KCNN2: variants seen among roughly 807,000 people sequenced by gnomAD.
KCNN2 encodes the protein small conductance calcium-activated potassium channel protein 2.
Under a neutral mutation model 55.5 loss-of-function variants are expected in KCNN2, and 24 were observed. That is an observed-to-expected ratio of 0.43 (90% CI 0.31 to 0.61). The LOEUF is 0.61. KCNN2 is among the 20% of genes least tolerant of loss of function. The pLI is 0.08. For synonymous variants in KCNN2, 431 were observed against 336.1 expected (o/e 1.28, Z -3.09); for missense variants, 754 against 853.6 (o/e 0.88, Z 1.45).
At chr5:114,061,263 T>C (rs1750323496) in intron 1 of KCNN2, among the ~76,000 whole-genome samples, 1 of 152,176 alleles carries the variant, frequency 6.6e-6, no homozygotes, top group African/African-American at 2.4e-5. Flanking sequence ...TCACTCCTAG[T>C]ACCCCAACTC....
intron 2 of KCNN2, among the ~76,000 whole-genome samples, chr5:114,245,297 T>C (rs926506718): frequency 4.6e-5 from 7 of 152,256 alleles, no homozygotes; most frequent in Non-Finnish European, 8.8e-5. Flanking sequence ...CTGGTTAGAC[T>C]TGAAGTGGTC....
intron 5 of KCNN2, among the ~76,000 whole-genome samples, chr5:114,479,132 G>A (rs1332409263): frequency 1.3e-5 from 2 of 151,916 alleles, no homozygotes; most frequent in South Asian, 4.2e-4. Context: ...AGACCCATCA[G>A]TGTGCTGTCT....
chr5:114,329,200 C>T (rs940822354), intron 2 of KCNN2, among the ~76,000 whole-genome samples: 6 of 152,208 alleles, frequency 3.9e-5, no homozygotes, highest in African/African-American at 1.4e-4. Context: ...GCACAGCTCC[C>T]AGCCCCTTGC....
intron 2 of KCNN2, among the ~76,000 whole-genome samples, chr5:114,344,838 C>A (rs895519906): frequency 5.6e-4 from 85 of 152,258 alleles, no homozygotes; most frequent in Middle Eastern, 3.4e-3. Context: ...AAAATTACAG[C>A]CCATTTAATT....
At chr5:114,288,493 T>TAC (rs777077524) in intron 2 of KCNN2, among the ~76,000 whole-genome samples, 7 of 21,722 alleles carry the variant, frequency 3.2e-4, no homozygotes, top group East Asian at 8.6e-3. Context: ...ACTTTATATA[T>TAC]ATATATACAC....
chr5:114,370,717 C>T (rs1757737784), intron 2 of KCNN2, among the ~76,000 whole-genome samples: 1 of 151,960 alleles, frequency 6.6e-6, no homozygotes, highest in South Asian at 2.1e-4. Context: ...CATAGCATAG[C>T]ATAGGCCAAG....
At chr5:114,207,822 A>T (rs1475787315) in intron 1 of KCNN2, among the ~76,000 whole-genome samples, 3 of 152,248 alleles carry the variant, frequency 2.0e-5, no homozygotes, top group Non-Finnish European at 2.9e-5. Context: ...CCAGCCCTTT[A>T]CATGCCGAGA....
chr5:114,096,354 T>G (rs930390854), intron 1 of KCNN2, among the ~76,000 whole-genome samples: 11 of 152,194 alleles, frequency 7.2e-5, no homozygotes, highest in African/African-American at 2.7e-4. Flanking sequence ...ACACTAACTT[T>G]GACCATGCTA....
intron 6 of KCNN2, chr5:114,489,141 A>G (rs902179806): frequency 1.3e-5 from 2 of 152,134 alleles, no homozygotes; most frequent in East Asian, 3.9e-4. Context: ...AGCCATGTGC[A>G]GTGGGGATTT....
intron 1 of KCNN2, among the ~76,000 whole-genome samples, chr5:114,086,614 A>G (rs1751022148): frequency 6.6e-6 from 1 of 151,884 alleles, no homozygotes; most frequent in African/African-American, 2.4e-5. Flanking sequence ...GACGTAATCT[A>G]ATTCTTTTTT....
In KCNN2 at chr5:114,190,194, G is replaced by A. The variant is rs1029188757; in HGVS notation, c.-270-31286G>A. Among the ~76,000 whole-genome samples the A allele has an allele frequency of 3.3e-5, 5 of 151,890 alleles. No individual in the cohort carries two copies. The South Asian group carries it at 1.0e-3, about 32-fold the overall frequency. On this transcript the variant is annotated intron_variant, in intron 1 of 10. Coordinates refer to the KCNN2 transcript ENST00000512097. Reference sequence around the variant, plus strand: ...AAGTCAGTTAATCCTCACAAAACAAGCTGAAGATGTGCATACCTTGTTACC... The same window carrying A: ...AAGTCAGTTAATCCTCACAAAACAAACTGAAGATGTGCATACCTTGTTACC...
At chr5:114,260,828 A>T (rs992271353) in intron 2 of KCNN2, among the ~76,000 whole-genome samples, 1 of 152,180 alleles carries the variant, frequency 6.6e-6, no homozygotes, top group African/African-American at 2.4e-5. Context: ...CATATGTAAA[A>T]TGGGCAGTGC....
At chr5:114,127,876 C>T (rs939108047) in intron 1 of KCNN2, among the ~76,000 whole-genome samples, 31 of 152,252 alleles carry the variant, frequency 2.0e-4, no homozygotes, top group African/African-American at 7.5e-4. Flanking sequence ...GCAAAAATGC[C>T]TCCAATCTCT....
rs61595962 is a variant in KCNN2 at position 114,429,818 on chromosome 5, CTTTTTTTT to C, written c.1637+24978_1637+24985del. On this transcript the variant is annotated intron_variant, in intron 3 of 7. Transcript: ENST00000673685. ...AAGGTGTAAGGTCTGTATATAGATG[CTTTTTTTT>C]TTTTTTTTTTTTTTTAACATGTGGA... Among the ~76,000 whole-genome samples, 67 of 71,260 alleles carry C rather than the reference CTTTTTTTT, an allele frequency of 9.4e-4. 2 individuals are homozygous for C. The highest frequency in any genetic ancestry group is 3.4e-3 in the African/African-American group (61 of 18,076). 46.7% of individuals were successfully genotyped at this position (71,260 alleles called of 152,430 possible).
intron 2 of KCNN2, among the ~76,000 whole-genome samples, chr5:114,386,499 A>G (rs948747943): frequency 6.6e-6 from 1 of 152,230 alleles, no homozygotes; most frequent in Non-Finnish European, 1.5e-5. Context: ...ATATAGTAAA[A>G]TGGCTTTCTT....
At chr5:114,292,616 C>A (rs1364713222) in intron 2 of KCNN2, among the ~76,000 whole-genome samples, 1 of 152,128 alleles carries the variant, frequency 6.6e-6, no homozygotes. Context: ...AGTTTGAAGT[C>A]AGGTAGCGTG....
intron 2 of KCNN2, among the ~76,000 whole-genome samples, chr5:114,311,119 G>A (rs1477975200): frequency 6.6e-6 from 1 of 151,904 alleles, no homozygotes; most frequent in Admixed American, 6.6e-5. Context: ...CTTTGTTTAA[G>A]CTGACCTTGC....
intron 2 of KCNN2, among the ~76,000 whole-genome samples, chr5:114,334,260 ATGTGTGTGTGTG>A (rs56654295): frequency 0.2 from 27,644 of 138,186 alleles, 2,752 homozygotes; most frequent in Admixed American, 0.24. Flanking sequence ...CATATGCCTG[ATGTGTGTGTGTG>A]TGTGTGTGTG....
At chr5:114,241,782 A>G (rs1354296570) in intron 2 of KCNN2, among the ~76,000 whole-genome samples, 1,116 of 24,754 alleles carry the variant, frequency 0.045, 257 homozygotes, top group Middle Eastern at 0.12. Context: ...ATACATATAT[A>G]CGTATATATA....
Sources: gnomAD v4.1 joint callset for allele counts (sites outside exome capture counted in the v4.1 genomes callset) on GRCh38, gnomAD v4.1.1 for gene constraint, MANE v1.5 for transcripts, NCBI Gene and HGNC (gene_info 2026-07-23, HGNC 2026-07-21) for gene names.